The following CEP128 variants were observed in gnomAD, a reference collection of about 807,000 sequenced individuals.
The protein encoded by CEP128 is centrosomal protein 128kDa.
Under a neutral mutation model 156.7 loss-of-function variants are expected in CEP128, and 132 were observed. The observed-to-expected ratio is 0.84, with a 90% confidence interval of 0.73 to 0.97. CEP128 has a LOEUF of 0.97. Ranked by LOEUF, CEP128 falls within the 50% of genes least tolerant of loss-of-function variation. The pLI is 0.00. For missense variants in CEP128, 1,252 were observed against 1,281.9 expected, an observed-to-expected ratio of 0.98 and a Z score of 0.36; for synonymous variants, 469 against 448.9, an observed-to-expected ratio of 1.04 and a Z score of -0.57.
At chr14:80,664,174 T>G (rs1353693129) in intron 19 of CEP128, among the ~76,000 whole-genome samples, 1 of 151,996 alleles carries the variant, frequency 6.6e-6, no homozygotes, top group Non-Finnish European at 1.5e-5. Flanking sequence ...TACCTAAAAA[T>G]CAGAAATAGG....
intron 18 of CEP128, among the ~76,000 whole-genome samples, chr14:80,749,867 T>A (rs1187828580): frequency 6.6e-6 from 1 of 152,156 alleles, no homozygotes; most frequent in Non-Finnish European, 1.5e-5. Flanking sequence ...TATAGCAAAA[T>A]ATCAACTTTT....
At chr14:80,842,362 T>C (rs1886386219) in intron 9 of CEP128, among the ~76,000 whole-genome samples, 2 of 152,052 alleles carry the variant, frequency 1.3e-5, no homozygotes, top group Non-Finnish European at 2.9e-5. Flanking sequence ...ACACTAGCTC[T>C]GCTTTCTATA....
intron 23 of CEP128, among the ~76,000 whole-genome samples, chr14:80,509,229 C>A (rs1888131120): frequency 6.6e-6 from 1 of 152,200 alleles, no homozygotes; most frequent in South Asian, 2.1e-4. Flanking sequence ...CCATACTGTT[C>A]TCTACAGTGG....
At chr14:80,794,174 A>G (rs1205494337) in intron 13 of CEP128, among the ~76,000 whole-genome samples, 1 of 152,158 alleles carries the variant, frequency 6.6e-6, no homozygotes, top group Non-Finnish European at 1.5e-5. Context: ...CCACTGTACT[A>G]AGGTCCGGAC....
At chr14:80,944,211 T>C (rs1886272130), upstream of CEP128, among the ~76,000 whole-genome samples, 1 of 152,090 alleles carries the variant, frequency 6.6e-6, no homozygotes, top group Non-Finnish European at 1.5e-5. Context: ...AGCAGAATCA[T>C]CTGAGCTTAG....
chr14:80,500,026 T>C (rs1010007481), intron 24 of CEP128, among the ~76,000 whole-genome samples: 12 of 152,182 alleles, frequency 7.9e-5, no homozygotes, highest in African/African-American at 2.2e-4. Context: ...CTATTTCCAA[T>C]GGCAATATAA....
chr14:80,605,553 A>T (rs1003176369), intron 19 of CEP128, among the ~76,000 whole-genome samples: 5 of 151,896 alleles, frequency 3.3e-5, no homozygotes, highest in Non-Finnish European at 7.4e-5. Flanking sequence ...TCTTATTCAG[A>T]CTCTTTTTAA....
intron 19 of CEP128, among the ~76,000 whole-genome samples, chr14:80,689,486 G>T (rs1896644934): frequency 6.6e-6 from 1 of 152,052 alleles, no homozygotes; most frequent in Admixed American, 6.6e-5. Flanking sequence ...ACAGTGGCAG[G>T]AATTCTAGGT....
intron 8 of CEP128, among the ~76,000 whole-genome samples, chr14:80,888,530 C>A (rs1411106994): frequency 6.6e-6 from 1 of 152,102 alleles, no homozygotes; most frequent in Non-Finnish European, 1.5e-5. Context: ...TGACAAAAAC[C>A]ACATGATTAT....
intron 21 of CEP128, among the ~76,000 whole-genome samples, chr14:80,552,715 T>A (rs1031740381): frequency 2.0e-5 from 3 of 152,216 alleles, no homozygotes; most frequent in Admixed American, 2.0e-4. Context: ...GATGCTTGCT[T>A]ATGCACTTTG....
chr14:80,566,603 G>C (rs1890919439), intron 20 of CEP128, among the ~76,000 whole-genome samples: 1 of 152,144 alleles, frequency 6.6e-6, no homozygotes, highest in Non-Finnish European at 1.5e-5. Flanking sequence ...TATACCAAAT[G>C]CATCTGTGAT....
chr14:80,606,425 G>A (rs1008979629), intron 19 of CEP128, among the ~76,000 whole-genome samples: 1 of 152,030 alleles, frequency 6.6e-6, no homozygotes, highest in Non-Finnish European at 1.5e-5. Flanking sequence ...AAGAAGCCAG[G>A]CTCTGTAAAC....
At chr14:80,497,661 AG>A in intron 24 of CEP128, 79 bp from the exon 25 acceptor site, 1 of 849,290 alleles carries the variant, frequency 1.2e-6, no homozygotes, top group Non-Finnish European at 1.9e-6. Flanking sequence ...TGCAGAAGGT[AG>A]TTAATGTATC....
chr14:80,857,772 A>C (rs1209776709), intron 9 of CEP128, among the ~76,000 whole-genome samples: 1 of 151,856 alleles, frequency 6.6e-6, no homozygotes, highest in Non-Finnish European at 1.5e-5. Flanking sequence ...CAACAACAAA[A>C]AACATGAATT....
chr14:80,871,593 T>C (rs1165139723), intron 8 of CEP128, among the ~76,000 whole-genome samples: 24 of 152,090 alleles, frequency 1.6e-4, no homozygotes, highest in Admixed American at 1.6e-3. Context: ...ATTTATAGCT[T>C]TTGAGTGATG....
intron 21 of CEP128, among the ~76,000 whole-genome samples, chr14:80,540,282 C>A (rs574086468): frequency 6.7e-6 from 1 of 150,136 alleles, no homozygotes; most frequent in Non-Finnish European, 1.5e-5. Flanking sequence ...TGTGATGTCA[C>A]CCCTGGCGGC....
At chr14:80,879,941 T>A (rs1349087782) in intron 8 of CEP128, among the ~76,000 whole-genome samples, 1 of 152,102 alleles carries the variant, frequency 6.6e-6, no homozygotes, top group Non-Finnish European at 1.5e-5. Flanking sequence ...CTTACACTCT[T>A]CCAAAAAATG....
intron 20 of CEP128, among the ~76,000 whole-genome samples, chr14:80,565,038 A>G (rs1595013308): frequency 1.3e-5 from 2 of 152,158 alleles, no homozygotes; most frequent in African/African-American, 4.8e-5. Context: ...CAGCCTGGGC[A>G]AAAGGAGTGA....
chr14:80,695,999 A>C (rs1010860631), intron 19 of CEP128, among the ~76,000 whole-genome samples: 11 of 152,150 alleles, frequency 7.2e-5, no homozygotes, highest in Non-Finnish European at 1.6e-4. Context: ...TGACAGTAAG[A>C]CTGGAAACAA....
Sources: allele counts gnomAD v4.1 joint callset (sites outside exome capture counted in the v4.1 genomes callset), GRCh38; gene constraint gnomAD v4.1.1; transcripts MANE v1.5; gene names NCBI Gene and HGNC (gene_info 2026-07-23, HGNC 2026-07-21).